GCNT2: variants seen among roughly 807,000 people sequenced by gnomAD.
GCNT2 encodes N-acetyllactosaminide beta-1,6-N-acetylglucosaminyl-transferase.
In GCNT2, 34 loss-of-function variants were observed where a neutral mutation model predicts 34.2. The observed-to-expected ratio is 1.00, with a 90% confidence interval of 0.76 to 1.32. GCNT2 has a LOEUF of 1.32. Ranked by LOEUF, GCNT2 falls within the 40% of genes most tolerant of loss-of-function variation. The pLI is 0.00. For synonymous variants in GCNT2, 212 were observed against 188.0 expected, an observed-to-expected ratio of 1.13 and a Z score of -1.04; for missense variants, 584 against 489.4, an observed-to-expected ratio of 1.19 and a Z score of -1.82.
chr6:10,628,528 C>T lies in GCNT2; in HGVS notation c.*1921C>T, dbSNP rs939931821. On this transcript the variant is annotated 3_prime_UTR_variant, in exon 5 of 5. Transcript: ENST00000495262. ...TGAAAACCTGTCACTTGCACAGAGG[C>T]CAGTCCCACTAAGGTGACCAGAGTG... is the stretch of plus-strand genomic sequence containing the variant. The T allele has an allele frequency of 1.5e-4, 23 of 152,322 alleles. No individual in the cohort carries two copies. Among genetic ancestry groups the T allele is most frequent in the African/African-American group, 5.1e-4 (21 of 41,570 alleles). The allele number at this position is 152,322 out of a possible 1,614,324, so 9.4% of individuals were successfully genotyped here.
intron 3 of GCNT2, among the ~76,000 whole-genome samples, chr6:10,606,682 T>TCCATTA (rs1765335316): frequency 6.7e-6 from 1 of 148,162 alleles, no homozygotes; most frequent in African/African-American, 2.5e-5. Flanking sequence ...TAATAGTGGT[T>TCCATTA]GAGAAATTTT....
At chr6:10,585,078 T>TGTGTGTGTGC (rs1491251655) in intron 3 of GCNT2, among the ~76,000 whole-genome samples, 1 of 87,310 alleles carries the variant, frequency 1.1e-5, no homozygotes, top group Non-Finnish European at 2.3e-5. Context: ...TGTGTGTGTG[T>TGTGTGTGTGC]GCGCGCTATA....
At chr6:10,559,658 C>A (rs568695741) in intron 3 of GCNT2, among the ~76,000 whole-genome samples, 3 of 152,258 alleles carry the variant, frequency 2.0e-5, no homozygotes, top group Non-Finnish European at 4.4e-5. Context: ...CTTTGGCAAG[C>A]GCATCCCATT....
At chr6:10,543,418 T>G (rs978054355) in intron 3 of GCNT2, among the ~76,000 whole-genome samples, 1 of 152,014 alleles carries the variant, frequency 6.6e-6, no homozygotes, top group African/African-American at 2.4e-5. Flanking sequence ...CTCAAACTCC[T>G]TACCTCAAAT....
At chr6:10,592,977 G>A (rs139684100) in intron 3 of GCNT2, among the ~76,000 whole-genome samples, 20 of 152,188 alleles carry the variant, frequency 1.3e-4, no homozygotes, top group Non-Finnish European at 1.6e-4. Context: ...TCTTGACCTC[G>A]TGATCCACCC....
chr6:10,555,498 A>T (rs1297301518), intron 3 of GCNT2, among the ~76,000 whole-genome samples: 1 of 152,176 alleles, frequency 6.6e-6, no homozygotes, highest in Non-Finnish European at 1.5e-5. Flanking sequence ...CCCCTGTCTG[A>T]GCATCATTTG....
intron 3 of GCNT2, chr6:10,557,225 T>C: frequency 6.3e-7 from 1 of 1,592,950 alleles, no homozygotes; most frequent in South Asian, 1.1e-5. Context: ...TGTGGCTCTA[T>C]CAAGAGAGTT....
chr6:10,589,549 G>A (rs923896081), intron 3 of GCNT2, among the ~76,000 whole-genome samples: 5 of 152,066 alleles, frequency 3.3e-5, no homozygotes, highest in African/African-American at 7.2e-5. Context: ...TGCTGTCTCC[G>A]GGGTCCATCT....
chr6:10,536,416 C>T (rs1474108962), intron 3 of GCNT2, among the ~76,000 whole-genome samples: 2 of 151,420 alleles, frequency 1.3e-5, no homozygotes, highest in African/African-American at 2.4e-5. Flanking sequence ...AGTGCAGTGG[C>T]GTGATCTCAG....
At chr6:10,582,433 T>TAGTA (rs1764152159) in intron 3 of GCNT2, among the ~76,000 whole-genome samples, 92 of 118,288 alleles carry the variant, frequency 7.8e-4, no homozygotes, top group African/African-American at 2.9e-3. Context: ...ATACTATAAT[T>TAGTA]TAATATTTAT....
At chr6:10,591,384 C>T (rs1182844142) in intron 3 of GCNT2, among the ~76,000 whole-genome samples, 2 of 152,150 alleles carry the variant, frequency 1.3e-5, no homozygotes, top group African/African-American at 4.8e-5. Context: ...ATTGGAGAAA[C>T]AGTAGGTAAA....
At position 10,559,498 on chromosome 6, in the gene GCNT2, G is replaced by A. The variant is rs963644605; in HGVS notation, c.925+29662G>A. 1.1e-4 allele frequency among the ~76,000 whole-genome samples: 16 copies of A among 152,212 alleles called. 1 individual carries two copies. Among genetic ancestry groups the A allele is most frequent in the Non-Finnish European group, 1.9e-4 (13 of 68,032 alleles). On this transcript the variant is annotated intron_variant, in intron 3 of 4. Transcript: ENST00000495262. ...TCCAGCTACAAAATGGGGAACCCAG[G>A]TAGAAAGACCCCTTTCATTCCTACA...
intron 3 of GCNT2, among the ~76,000 whole-genome samples, chr6:10,581,436 A>G (rs1247380402): frequency 6.6e-6 from 1 of 151,840 alleles, no homozygotes; most frequent in Non-Finnish European, 1.5e-5. Context: ...CCACCTGGCT[A>G]ATTTTGTATT....
chr6:10,589,160 G>A (rs1437840715), intron 3 of GCNT2, among the ~76,000 whole-genome samples: 2 of 113,152 alleles, frequency 1.8e-5, no homozygotes, highest in Non-Finnish European at 4.2e-5. Context: ...GTGTGTGTGC[G>A]TGTGGTGTGT....
chr6:10,602,147 T>C (rs1765117419), intron 3 of GCNT2, among the ~76,000 whole-genome samples: 1 of 152,198 alleles, frequency 6.6e-6, no homozygotes, highest in Non-Finnish European at 1.5e-5. Flanking sequence ...GTCTACTCTA[T>C]AACTTTTGTA....
At chr6:10,586,687 A>T (rs182321762) in intron 3 of GCNT2, 1 of 1,614,170 alleles carries the variant, frequency 6.2e-7, no homozygotes. Flanking sequence ...AAATATGTCC[A>T]CCAAGAGCAT....
chr6:10,609,956 GT>G (rs1314085331), intron 3 of GCNT2, among the ~76,000 whole-genome samples: 1 of 152,104 alleles, frequency 6.6e-6, no homozygotes, highest in Non-Finnish European at 1.5e-5. Flanking sequence ...CAGACACAGG[GT>G]CAACCATTCA....
chr6:10,618,254 A>C (rs938100409), intron 3 of GCNT2, among the ~76,000 whole-genome samples: 2 of 152,228 alleles, frequency 1.3e-5, no homozygotes, highest in African/African-American at 4.8e-5. Flanking sequence ...TAATGCACAA[A>C]CATGCATAAT....
rs115898076 is a variant in GCNT2, at chr6:10,583,543, G to T, written c.926-37808G>T. 5.2e-4 allele frequency among the ~76,000 whole-genome samples: 79 copies of T among 152,288 alleles called. 1 individual carries two copies. The highest frequency in any genetic ancestry group is 1.8e-3 in the African/African-American group (74 of 41,554). On this transcript the variant is annotated intron_variant, in intron 3 of 4. Coordinates refer to ENST00000495262, the MANE Select transcript of GCNT2 (RefSeq NM_145649.5). ...TGCACTTCACATTGGCTGCGAGATC[G>T]CTTGCAGCACTGCAAGCAGGTGAAC...
Sources: gnomAD v4.1 joint callset for allele counts (sites outside exome capture counted in the v4.1 genomes callset) on GRCh38, gnomAD v4.1.1 for gene constraint, MANE v1.5 for transcripts, NCBI Gene and HGNC (gene_info 2026-07-23, HGNC 2026-07-21) for gene names.